The following FER variants were observed in gnomAD, a reference collection of about 807,000 sequenced individuals.
FER encodes FER tyrosine kinase.
FER carries 63 observed loss-of-function variants against 111.0 expected under a neutral mutation model. The ratio of observed to expected loss-of-function variants is 0.57; its 90% CI spans 0.46 to 0.70. FER has a LOEUF of 0.70. Ranked by LOEUF, FER falls within the 30% of genes least tolerant of loss-of-function variation. The pLI is 0.00. For synonymous variants in FER, 327 were observed against 313.9 expected (o/e 1.04, Z -0.44); for missense variants, 914 against 954.0 (o/e 0.96, Z 0.55).
intron 10 of FER, among the ~76,000 whole-genome samples, chr5:108,928,223 A>G (rs1338291083): frequency 2.0e-5 from 3 of 152,186 alleles, no homozygotes; most frequent in African/African-American, 4.8e-5. Flanking sequence ...TAGTGCATCA[A>G]TTAGATGTTA....
chr5:108,761,062 C>G lies in FER; in HGVS notation c.-205-7031C>G, dbSNP rs530079990. On this transcript the variant is annotated intron_variant, in intron 1 of 19. Transcript: ENST00000281092. ...TCTCCTGCCTCAGCCTCCTGAGTAG[C>G]TGGGATTACAGGTGCCCGCCACCAC... Among the ~76,000 whole-genome samples, 5 of 152,146 alleles carry G rather than the reference C, an allele frequency of 3.3e-5. No homozygotes were observed. In the East Asian group the frequency reaches 7.8e-4, roughly 24 times the overall value.
Position 109,037,457 on chromosome 5 carries a change from A to T in FER, c.1692A>T (p.Ile564=), listed in dbSNP as rs150352843. The T allele has an allele frequency of 5.6e-6, 9 of 1,612,104 alleles. No individual in the cohort carries two copies. In the East Asian group the frequency reaches 2.0e-4, roughly 36 times the overall value. Residue 564 remains isoleucine, a synonymous_variant, in exon 14 of 20, where the codon ATA becomes ATT. Transcript: ENST00000281092. ...KKWILSHEDV[I]LGELLGKGNF... ...GGATTCTCAGTCATGAAGATGTCAT[A>T]TTGGGAGAATTACTGGGCAAGGTAT...
chr5:109,154,559 G>C (rs1390045865), intron 17 of FER, among the ~76,000 whole-genome samples: 3 of 151,808 alleles, frequency 2.0e-5, no homozygotes, highest in African/African-American at 7.2e-5. Flanking sequence ...ACATCTTATA[G>C]CCCTTAACTA....
intron 13 of FER, among the ~76,000 whole-genome samples, chr5:108,993,610 A>AGAGGGCGAGGGCGAGGGG (rs1477517812): frequency 9.3e-6 from 1 of 107,540 alleles, no homozygotes; most frequent in African/African-American, 3.7e-5. Context: ...AGGGCGAGGG[A>AGAGGGCGAGGGCGAGGGG]GAGGGCAAGG....
intron 10 of FER, among the ~76,000 whole-genome samples, chr5:108,903,564 C>T (rs983203452): frequency 3.9e-5 from 6 of 152,046 alleles, no homozygotes; most frequent in African/African-American, 7.2e-5. Context: ...TTTTCTTTTC[C>T]GTAGAGGGAG....
chr5:109,059,877 G>A (rs552894995), intron 16 of FER, among the ~76,000 whole-genome samples: 131 of 152,322 alleles, frequency 8.6e-4, no homozygotes, highest in Non-Finnish European at 1.7e-3. Flanking sequence ...ATACTTGTAT[G>A]TAAATGATTA....
chr5:109,186,736 C>G (rs1758915680), intron 19 of FER, among the ~76,000 whole-genome samples: 2 of 152,256 alleles, frequency 1.3e-5, no homozygotes, highest in South Asian at 4.1e-4. Flanking sequence ...CTGAAGAAAC[C>G]CTTTGGGGTT....
At chr5:108,805,985 C>T (rs1757162839) in intron 3 of FER, among the ~76,000 whole-genome samples, 2 of 152,162 alleles carry the variant, frequency 1.3e-5, no homozygotes, top group African/African-American at 4.8e-5. Context: ...GTCTCCAGGG[C>T]ATGTCAGAGG....
At position 108,850,540 on chromosome 5, in the gene FER, A is replaced by G. The variant is rs534505495; in HGVS notation, c.481+14733A>G. On this transcript the variant is annotated intron_variant, in intron 5 of 19. Coordinates refer to ENST00000281092, the MANE Select transcript of FER (RefSeq NM_005246.4). Reference sequence around the variant, plus strand: ...TTGATCTCATGTGAAATGAGAAAAAATTTTATATAAAACTTGAAGGAAAAT... The same window carrying G: ...TTGATCTCATGTGAAATGAGAAAAAGTTTTATATAAAACTTGAAGGAAAAT... Among the ~76,000 whole-genome samples, 7 of 152,250 alleles carry G rather than the reference A, an allele frequency of 4.6e-5. No individual in the cohort carries two copies. The East Asian group carries it at 1.2e-3, about 25-fold the overall frequency.
In FER at chr5:109,189,099, G is replaced by C. The variant is rs1226619421; in HGVS notation, c.*1524G>C. ...TAGCTGACAGGTATGCAAGCAGAGT[G>C]CTGAAGATGTCTCATGTGAATAAAA... is the stretch of plus-strand genomic sequence containing the variant. On this transcript the variant is annotated 3_prime_UTR_variant, in exon 20 of 20. Coordinates refer to ENST00000281092, the MANE Select transcript of FER (RefSeq NM_005246.4). 1 of 152,174 alleles carries C rather than the reference G, an allele frequency of 6.6e-6. No homozygotes were observed. The highest frequency in any genetic ancestry group is 2.4e-5 in the African/African-American group (1 of 41,436). The allele number at this position is 152,174 out of a possible 1,614,324, so 9.4% of individuals were successfully genotyped here.
chr5:108,884,779 C>T (rs987003379), intron 9 of FER, among the ~76,000 whole-genome samples: 2 of 151,992 alleles, frequency 1.3e-5, no homozygotes, highest in Admixed American at 6.6e-5. Context: ...TGATTATGCT[C>T]ACTCATTTCC....
chr5:109,155,570 A>C (rs1194250109), intron 17 of FER, among the ~76,000 whole-genome samples: 1 of 151,970 alleles, frequency 6.6e-6, no homozygotes. Context: ...TGAGATCACT[A>C]AACTGTTGAT....
chr5:109,182,616 T>A (rs907931513), intron 18 of FER, among the ~76,000 whole-genome samples: 1 of 152,210 alleles, frequency 6.6e-6, no homozygotes, highest in African/African-American at 2.4e-5. Flanking sequence ...TGGGAGTCCT[T>A]GAATTTGCTC....
chr5:109,002,592 G>C (rs192952250), intron 13 of FER, among the ~76,000 whole-genome samples: 352 of 152,260 alleles, frequency 2.3e-3, no homozygotes, highest in African/African-American at 7.9e-3. Context: ...AACAGCAAAA[G>C]CAATGGCAAC....
chr5:108,792,763 G>T (rs1755522638), intron 2 of FER, among the ~76,000 whole-genome samples: 2 of 146,224 alleles, frequency 1.4e-5, no homozygotes, highest in African/African-American at 5.1e-5. Flanking sequence ...TTTCATTTTT[G>T]GATTGTTCAA....
chr5:109,117,243 C>CTA (rs1341009221), intron 17 of FER, among the ~76,000 whole-genome samples: 1 of 152,116 alleles, frequency 6.6e-6, no homozygotes, highest in African/African-American at 2.4e-5. Flanking sequence ...CTACTTAAGT[C>CTA]TATTTCTCTG....
chr5:108,793,212 C>T (rs1000838507), intron 2 of FER, among the ~76,000 whole-genome samples: 2 of 152,184 alleles, frequency 1.3e-5, no homozygotes, highest in Non-Finnish European at 2.9e-5. Flanking sequence ...CTCTTTGTCT[C>T]CAGGAGCTCA....
intron 16 of FER, among the ~76,000 whole-genome samples, chr5:109,075,512 C>A (rs1426855660): frequency 6.6e-6 from 1 of 151,464 alleles, no homozygotes; most frequent in Non-Finnish European, 1.5e-5. Flanking sequence ...CAAGCTCCGC[C>A]TCCCAGGTTC....
intron 3 of FER, among the ~76,000 whole-genome samples, chr5:108,814,931 C>T (rs144014452): frequency 6.6e-6 from 1 of 152,226 alleles, no homozygotes; most frequent in East Asian, 1.9e-4. Context: ...ACCTAGGTAG[C>T]TATCTTTTTC....
Sources: gnomAD v4.1 joint callset for allele counts (sites outside exome capture counted in the v4.1 genomes callset) on GRCh38, gnomAD v4.1.1 for gene constraint, MANE v1.5 for transcripts, NCBI Gene and HGNC (gene_info 2026-07-23, HGNC 2026-07-21) for gene names.